The following ERC2 variants were observed in gnomAD, a reference collection of about 807,000 sequenced individuals.
ERC2 encodes ELKS/RAB6-interacting/CAST family member 2.
Under a neutral mutation model 114.8 loss-of-function variants are expected in ERC2, and 42 were observed. The ratio of observed to expected loss-of-function variants is 0.37; its 90% CI spans 0.29 to 0.47. The LOEUF (loss-of-function observed/expected upper bound fraction) is 0.47. ERC2 is among the 20% of genes least tolerant of loss of function. The probability of loss-of-function intolerance (pLI) is 0.99; values close to 1 mark genes in which losing one functional copy is unlikely to be tolerated. For missense variants in ERC2, 939 were observed against 1,150.7 expected (o/e 0.82, Z 2.66); for synonymous variants, 454 against 425.5 (o/e 1.07, Z -0.82).
chr3:56,430,121 A>G (rs747396391), intron 2 of ERC2, among the ~76,000 whole-genome samples: 10 of 152,222 alleles, frequency 6.6e-5, no homozygotes, highest in Non-Finnish European at 2.9e-5. Context: ...GAACAGTTCA[A>G]ATTGTTTTAG....
chr3:56,175,126 G>A (rs1302246501), intron 3 of ERC2, among the ~76,000 whole-genome samples: 1 of 152,164 alleles, frequency 6.6e-6, no homozygotes, highest in Non-Finnish European at 1.5e-5. Context: ...TTTGCCAGTG[G>A]CCCAAGAAAT....
At chr3:55,924,315 T>G (rs2065623392) in intron 13 of ERC2, among the ~76,000 whole-genome samples, 1 of 152,042 alleles carries the variant, frequency 6.6e-6, no homozygotes, top group Non-Finnish European at 1.5e-5. Context: ...ACTCCTCAAT[T>G]CTTTCCTATG....
At chr3:55,536,082 T>G (rs1326180877) in intron 17 of ERC2, among the ~76,000 whole-genome samples, 2 of 152,078 alleles carry the variant, frequency 1.3e-5, no homozygotes, top group Non-Finnish European at 2.9e-5. Context: ...GTGCCCAGAG[T>G]AAACTTTCTA....
intron 2 of ERC2, among the ~76,000 whole-genome samples, chr3:56,304,418 G>T (rs766386181): frequency 6.6e-6 from 1 of 152,190 alleles, no homozygotes; most frequent in Non-Finnish European, 1.5e-5. Flanking sequence ...GAAGAGTTCT[G>T]CAGCTATTAA....
At chr3:56,074,030 T>C (rs1226499540) in intron 7 of ERC2, among the ~76,000 whole-genome samples, 2 of 152,170 alleles carry the variant, frequency 1.3e-5, no homozygotes, top group Non-Finnish European at 2.9e-5. Context: ...CATTATTTAG[T>C]GGCTGCATCT....
intron 12 of ERC2, among the ~76,000 whole-genome samples, chr3:55,982,560 T>C (rs2070240074): frequency 1.3e-5 from 2 of 152,106 alleles, no homozygotes. Context: ...TTGTTTCTAT[T>C]ATTATTATTG....
intron 2 of ERC2, among the ~76,000 whole-genome samples, chr3:56,359,665 C>T (rs920412019): frequency 2.6e-5 from 4 of 152,206 alleles, no homozygotes; most frequent in Admixed American, 6.5e-5. Flanking sequence ...GAGGTTTATT[C>T]GACTCATGGT....
In ERC2 at chr3:55,859,323, C is replaced by T. The variant is rs62255830; in HGVS notation, c.2564+29066G>A. The stretch of plus-strand genomic sequence containing the variant: ...CGCTTCCACCCACCCCTTCCCTCAC[C>T]CCCTCGCAGTAACTCTAAACTGTTT... On this transcript the variant is annotated intron_variant, in intron 14 of 17. Coordinates refer to ENST00000288221, the MANE Select transcript of ERC2 (RefSeq NM_015576.3). Among the ~76,000 whole-genome samples, 1,335 of 152,152 alleles carry T rather than the reference C, an allele frequency of 8.8e-3. 18 individuals carry two copies. Among genetic ancestry groups the T allele is most frequent in the Middle Eastern group, 0.021 (6 of 292 alleles).
At chr3:56,245,837 G>T (rs577938588) in intron 3 of ERC2, among the ~76,000 whole-genome samples, 1 of 151,902 alleles carries the variant, frequency 6.6e-6, no homozygotes, top group Non-Finnish European at 1.5e-5. Flanking sequence ...CACCACTCCC[G>T]GCCCTTAGTT....
intron 14 of ERC2, among the ~76,000 whole-genome samples, chr3:55,812,755 C>T (rs1009409310): frequency 1.3e-5 from 2 of 152,198 alleles, no homozygotes; most frequent in Non-Finnish European, 2.9e-5. Flanking sequence ...GCAAGGCACA[C>T]AATAGGAGAG....
At chr3:56,089,440 C>T (rs376730726) in intron 6 of ERC2, among the ~76,000 whole-genome samples, 1 of 151,634 alleles carries the variant, frequency 6.6e-6, no homozygotes, top group East Asian at 1.9e-4. Flanking sequence ...TTTTTAATAG[C>T]CCCATTTAAA....
chr3:56,340,959 A>C (rs2058066582), intron 2 of ERC2, among the ~76,000 whole-genome samples: 1 of 152,186 alleles, frequency 6.6e-6, no homozygotes, highest in Non-Finnish European at 1.5e-5. Flanking sequence ...AAGTCCTAAA[A>C]ATAAATGTTC....
chr3:56,330,235 C>G (rs981009565), intron 2 of ERC2, among the ~76,000 whole-genome samples: 1 of 152,032 alleles, frequency 6.6e-6, no homozygotes, highest in South Asian at 2.1e-4. Context: ...GACAAGGTTT[C>G]GCTATGTTGC....
At chr3:55,913,174 T>A (rs2064909392) in intron 13 of ERC2, among the ~76,000 whole-genome samples, 1 of 152,034 alleles carries the variant, frequency 6.6e-6, no homozygotes, top group South Asian at 2.1e-4. Context: ...TAGAGACAGG[T>A]CTTGCTATGT....
At chr3:56,391,026 A>G (rs2060109933) in intron 2 of ERC2, among the ~76,000 whole-genome samples, 1 of 152,224 alleles carries the variant, frequency 6.6e-6, no homozygotes, top group Non-Finnish European at 1.5e-5. Context: ...TTTCTTCGTC[A>G]GTTTAATGGG....
chr3:56,452,351 A>G (rs941501819), intron 1 of ERC2, among the ~76,000 whole-genome samples: 1 of 152,248 alleles, frequency 6.6e-6, no homozygotes, highest in Non-Finnish European at 1.5e-5. Flanking sequence ...ATCATCACCC[A>G]GTGCACAGCA....
intron 8 of ERC2, among the ~76,000 whole-genome samples, chr3:56,017,498 T>G (rs1294893852): frequency 6.6e-6 from 1 of 152,126 alleles, no homozygotes; most frequent in East Asian, 1.9e-4. Context: ...TTAAAAATCT[T>G]GTCTCACAAG....
intron 3 of ERC2, among the ~76,000 whole-genome samples, chr3:56,222,409 A>G (rs1359304818): frequency 6.6e-6 from 1 of 152,158 alleles, no homozygotes; most frequent in Non-Finnish European, 1.5e-5. Flanking sequence ...ATGGAACACC[A>G]TGGACACACC....
chr3:55,795,655 C>A (rs1455416257), intron 14 of ERC2, among the ~76,000 whole-genome samples: 1 of 152,136 alleles, frequency 6.6e-6, no homozygotes, highest in African/African-American at 2.4e-5. Flanking sequence ...CTGTACGTAA[C>A]CAAGAAACCA....
Sources: allele counts gnomAD v4.1 joint callset (sites outside exome capture counted in the v4.1 genomes callset), GRCh38; gene constraint gnomAD v4.1.1; transcripts MANE v1.5; gene names NCBI Gene and HGNC (gene_info 2026-07-23, HGNC 2026-07-21).